Variants in ATP10A observed in about 807,000 individuals in gnomAD.
The protein encoded by ATP10A is ATPase phospholipid transporting 10A (putative), also known as phospholipid-transporting ATPase VA.
ATP10A carries 111 observed loss-of-function variants against 147.8 expected under a neutral mutation model. That is an observed-to-expected ratio of 0.75 (90% confidence interval 0.64 to 0.88). The LOEUF (loss-of-function observed/expected upper bound fraction) is 0.88, where lower values mean the gene tolerates loss of function less well. ATP10A is among the 40% of genes least tolerant of loss of function. The pLI is 0.00. For missense variants in ATP10A, 1,927 were observed against 1,959.0 expected, an observed-to-expected ratio of 0.98 and a Z score of 0.31; for synonymous variants, 875 against 841.6, an observed-to-expected ratio of 1.04 and a Z score of -0.69.
Position 25,713,675 on chromosome 15 carries a change from T to A in ATP10A, c.2343A>T (p.Ser781=). Residue 781 remains serine, a splice_region_variant and synonymous_variant, in exon 10 of 21, where the codon TCA becomes TCT. Coordinates refer to ENST00000555815, the MANE Select transcript of ATP10A (RefSeq NM_024490.4). ...GCAGCTGGGCAGGGGTGGGAGTACC[T>A]GAAGAGCAGGGCTGCAGGAGATCCA... ...VVMDLLQPCS[S]VDARGRHQKK... 1 of 1,613,490 alleles carries A rather than the reference T, an allele frequency of 6.2e-7. No homozygotes were observed. The highest frequency in any genetic ancestry group is 8.5e-7 in the Non-Finnish European group (1 of 1,179,762).
At chr15:25,810,944 T>A (rs572567944) in intron 1 of ATP10A, among the ~76,000 whole-genome samples, 1 of 152,176 alleles carries the variant, frequency 6.6e-6, no homozygotes, top group East Asian at 1.9e-4. Flanking sequence ...CGGTCTGATC[T>A]GAGAGTCAGC....
intron 1 of ATP10A, among the ~76,000 whole-genome samples, chr15:25,815,892 T>C (rs555163633): frequency 6.6e-6 from 1 of 152,146 alleles, no homozygotes; most frequent in East Asian, 1.9e-4. Flanking sequence ...GTTCCAACTC[T>C]TGCAAATGTA....
At chr15:25,680,728 C>T in intron 19 of ATP10A, 82 bp downstream of exon 19, 1 of 1,353,910 alleles carries the variant, frequency 7.4e-7, no homozygotes, top group East Asian at 2.3e-5. Context: ...AACGACCTCC[C>T]AGACCTCATG....
intron 1 of ATP10A, among the ~76,000 whole-genome samples, chr15:25,827,247 C>T (rs1892156351): frequency 6.6e-6 from 1 of 152,204 alleles, no homozygotes; most frequent in African/African-American, 2.4e-5. Flanking sequence ...TAGCAGACCC[C>T]TCTCCTACAA....
At chr15:25,859,149 C>A (rs962393870) in intron 1 of ATP10A, among the ~76,000 whole-genome samples, 5 of 152,188 alleles carry the variant, frequency 3.3e-5, no homozygotes, top group African/African-American at 1.2e-4. Context: ...ACTCTCCCAG[C>A]CTGGGCTGAG....
intron 2 of ATP10A, among the ~76,000 whole-genome samples, chr15:25,746,835 A>G (rs1193213179): frequency 6.6e-6 from 1 of 152,234 alleles, no homozygotes; most frequent in Non-Finnish European, 1.5e-5. Context: ...AAATGCTTCA[A>G]GATCTAAAAC....
rs144937534 is a variant in ATP10A at position 25,828,485 on chromosome 15, C to G, written c.449+34163G>C. On this transcript the variant is annotated intron_variant, in intron 1 of 20. Coordinates refer to ENST00000555815, the MANE Select transcript of ATP10A (RefSeq NM_024490.4). ...TTAGAAATGAAATCAATAACTGAAG[C>G]AAATTTGAGAAAGACATACATACGT... Among the ~76,000 whole-genome samples, 37 of 152,224 alleles carry G rather than the reference C, an allele frequency of 2.4e-4. No individual in the cohort carries two copies. In the East Asian group the frequency reaches 7.1e-3, roughly 29 times the overall value.
At chr15:25,683,619 G>C in intron 16 of ATP10A, 133 bp from the exon 17 acceptor site, 10 of 857,726 alleles carry the variant, frequency 1.2e-5, no homozygotes, top group Non-Finnish European at 1.8e-5. Context: ...TTCTGCCAAA[G>C]ACAGCCATGA....
At chr15:25,834,233 T>C (rs1892496760) in intron 1 of ATP10A, among the ~76,000 whole-genome samples, 1 of 152,226 alleles carries the variant, frequency 6.6e-6, no homozygotes, top group Admixed American at 6.5e-5. Context: ...AGAGACAACC[T>C]GCAGAATGGG....
At chr15:25,719,279 C>T (rs929281842) in intron 7 of ATP10A, among the ~76,000 whole-genome samples, 4 of 152,282 alleles carry the variant, frequency 2.6e-5, no homozygotes, top group South Asian at 2.1e-4. Context: ...TGGACCACTG[C>T]GCATCTCTTA....
At chr15:25,827,873 AGC>A (rs1159706388) in intron 1 of ATP10A, among the ~76,000 whole-genome samples, 1 of 152,234 alleles carries the variant, frequency 6.6e-6, no homozygotes, top group Non-Finnish European at 1.5e-5. Flanking sequence ...TTTTTTAAAA[AGC>A]ACAATCCATC....
Position 25,694,928 on chromosome 15 carries a change from G to A in ATP10A, c.2979C>T (p.Phe993=). The A allele has an allele frequency of 1.9e-6, 3 of 1,614,202 alleles. No homozygotes were observed. Among genetic ancestry groups the A allele is most frequent in the Non-Finnish European group, 2.5e-6 (3 of 1,180,048 alleles). Residue 993 remains phenylalanine (F), a synonymous_variant, in exon 14 of 21, where the codon TTC becomes TTT. Transcript: ENST00000555815. The stretch of plus-strand genomic sequence containing the variant: ...GGACGGAGCGGCACTGCTTGGCAAG[G>A]AAGAGGAATTTGTCCTCCAGGTTTT... ...LEKNLEDKFL[F]LAKQCRSVLC... is the part of the protein sequence containing the mutation.
chr15:25,849,149 G>A (rs1228163112), intron 1 of ATP10A, among the ~76,000 whole-genome samples: 2 of 152,048 alleles, frequency 1.3e-5, no homozygotes, highest in Non-Finnish European at 2.9e-5. Context: ...GTGGACCCTG[G>A]GACAAAGGGC....
chr15:25,682,723 G>A (rs185200161), intron 17 of ATP10A, among the ~76,000 whole-genome samples: 70 of 152,308 alleles, frequency 4.6e-4, no homozygotes, highest in Admixed American at 1.8e-3. Context: ...ACTCATCAGT[G>A]AATGAATCTG....
At chr15:25,764,719 A>G (rs1223002843) in intron 2 of ATP10A, among the ~76,000 whole-genome samples, 1 of 152,228 alleles carries the variant, frequency 6.6e-6, no homozygotes, top group African/African-American at 2.4e-5. Flanking sequence ...AGACCAAGAT[A>G]TTCCCTTTCC....
chr15:25,819,585 T>C (rs931007359), intron 1 of ATP10A, among the ~76,000 whole-genome samples: 1 of 124,178 alleles, frequency 8.1e-6, no homozygotes, highest in Non-Finnish European at 1.6e-5. Flanking sequence ...TGTACCCAAA[T>C]GAAAAAAAAA....
chr15:25,802,731 C>T (rs1392457538), intron 1 of ATP10A, among the ~76,000 whole-genome samples: 1 of 152,184 alleles, frequency 6.6e-6, no homozygotes, highest in Admixed American at 6.5e-5. Flanking sequence ...CACCGGCACT[C>T]TGGTTCCCTC....
intron 3 of ATP10A, among the ~76,000 whole-genome samples, chr15:25,732,746 G>A (rs1887019102): frequency 2.0e-5 from 3 of 151,550 alleles, no homozygotes; most frequent in Non-Finnish European, 2.9e-5. Flanking sequence ...TAGTAGAGAC[G>A]GGGTTTCACC....
At chr15:25,731,986 T>C (rs1295541187) in intron 3 of ATP10A, among the ~76,000 whole-genome samples, 2 of 152,026 alleles carry the variant, frequency 1.3e-5, no homozygotes, top group African/African-American at 2.4e-5. Flanking sequence ...CTCCTGAGTT[T>C]CTGTGACTAC....
Sources: gnomAD v4.1 joint callset for allele counts (sites outside exome capture counted in the v4.1 genomes callset) on GRCh38, gnomAD v4.1.1 for gene constraint, MANE v1.5 for transcripts, NCBI Gene and HGNC (gene_info 2026-07-23, HGNC 2026-07-21) for gene names.